DNMT3A: variants seen among roughly 807,000 people sequenced by gnomAD.
DNMT3A encodes DNA (cytosine-5)-methyltransferase 3A.
In DNMT3A, 267 loss-of-function variants were observed where a neutral mutation model predicts 117.6. The ratio of observed to expected loss-of-function variants is 2.27; its 90% CI spans 2.05 to 2.51. DNMT3A has a LOEUF of 2.51. DNMT3A is among the 30% of genes most tolerant of loss of function. The pLI is 0.00. For missense variants in DNMT3A, 1,029 were observed against 1,260.2 expected, an observed-to-expected ratio of 0.82 and a Z score of 2.78; for synonymous variants, 432 against 474.8, an observed-to-expected ratio of 0.91 and a Z score of 1.17.
chr2:25,283,823 A>C (rs1235217333), intron 3 of DNMT3A, among the ~76,000 whole-genome samples: 1 of 152,226 alleles, frequency 6.6e-6, no homozygotes, highest in East Asian at 1.9e-4. Flanking sequence ...GTCACTGCGC[A>C]GTGGACAAAG....
At position 25,330,558 on chromosome 2, in the gene DNMT3A, G is replaced by A. The variant is rs146985119; in HGVS notation, c.-178+11268C>T. On this transcript the variant is annotated intron_variant, in intron 1 of 22. Transcript: ENST00000321117. ...CATGTACGGCCCTCACAGAGGAAGCGGCCCTCTCTGCCATCTCCTGAGGTC... is the reference window on the plus strand; with the variant it reads ...CATGTACGGCCCTCACAGAGGAAGCAGCCCTCTCTGCCATCTCCTGAGGTC... Among the ~76,000 whole-genome samples the A allele has an allele frequency of 5.1e-4, 78 of 152,316 alleles. No individual in the cohort carries two copies. The East Asian group carries it at 0.013, about 26-fold the overall frequency.
At chr2:25,245,122 G>T in intron 13 of DNMT3A, 131 bp downstream of exon 13, 2 of 781,862 alleles carry the variant, frequency 2.6e-6, no homozygotes, top group South Asian at 1.8e-5. Context: ...GCTTCCAGAG[G>T]AAGCTCTGAA....
Position 25,311,400 on chromosome 2 carries a change from C to T in DNMT3A, c.72+2513G>A, listed in dbSNP as rs2034111712. On this transcript the variant is annotated intron_variant, in intron 2 of 22. Transcript: ENST00000321117. The surrounding 1 kb of genome is among the most constrained non-coding windows in gnomAD (Gnocchi z 5.2). Reference sequence around the variant, plus strand: ...GTCTCTCCCCACCCTCCCTGGGCGGCTCCCTGGAGGTGCTGGAGCCAGCCC... The same window carrying T: ...GTCTCTCCCCACCCTCCCTGGGCGGTTCCCTGGAGGTGCTGGAGCCAGCCC... Among the ~76,000 whole-genome samples the T allele has an allele frequency of 6.6e-6, 1 of 152,192 alleles. No individual in the cohort carries two copies. Among genetic ancestry groups the T allele is most frequent in the South Asian group, 2.1e-4 (1 of 4,828 alleles).
At chr2:25,276,756 G>A (rs1489059477) in intron 4 of DNMT3A, among the ~76,000 whole-genome samples, 1 of 152,266 alleles carries the variant, frequency 6.6e-6, no homozygotes, top group African/African-American at 2.4e-5. Context: ...ACAGCGTATC[G>A]GGCCTGGGCC....
chr2:25,283,204 A>G (rs2032022595), intron 3 of DNMT3A, among the ~76,000 whole-genome samples: 1 of 151,982 alleles, frequency 6.6e-6, no homozygotes, highest in Non-Finnish European at 1.5e-5. Context: ...CTCTACTAAA[A>G]ATACAAAGTT....
Position 25,240,337 on chromosome 2 carries a change from C to CA in DNMT3A, c.2286_2287insT (p.Val763CysfsTer2). 1 of 1,614,232 alleles carries CA rather than the reference C, an allele frequency of 6.2e-7. No homozygotes were observed. ...CGCGAGATGTCCCTCTTGTCACTAA[C>CA]GCCCATGGCCACCACATTCTCAAAG... On this transcript the variant is annotated frameshift_variant, in exon 19 of 23. Coordinates refer to ENST00000321117, the MANE Select transcript of DNMT3A (RefSeq NM_022552.5). LOFTEE classifies it high-confidence loss of function.
At position 25,239,136 on chromosome 2, in the gene DNMT3A, A is replaced by T; in HGVS notation, c.2402T>A (p.Met801Lys). ...CCCAGGAGCTTTCACCAACCTGTTCATACCGGGAAGGTTACCCCAGAAGTA... is the reference window on the plus strand; with the variant it reads ...CCCAGGAGCTTTCACCAACCTGTTCTTACCGGGAAGGTTACCCCAGAAGTA... ...ARYFWGNLPG[M>K]NRPLASTVND... is the part of the protein sequence containing the mutation. Residue 801 changes from methionine to lysine, a missense_variant, in exon 20 of 23, where the codon ATG (methionine) becomes AAG (lysine). Transcript: ENST00000321117. 1 of 1,613,970 alleles carries T rather than the reference A, an allele frequency of 6.2e-7. No homozygotes were observed. The highest frequency in any genetic ancestry group is 8.5e-7 in the Non-Finnish European group (1 of 1,179,896).
intron 1 of DNMT3A, among the ~76,000 whole-genome samples, chr2:25,319,408 C>T (rs1202745671): frequency 2.0e-5 from 3 of 152,180 alleles, no homozygotes; most frequent in Non-Finnish European, 4.4e-5. Flanking sequence ...CCTCAGCATC[C>T]CAAAGTGCTG....
In DNMT3A at chr2:25,264,132, G is replaced by GTTTTTTTTTTTTTTTTTTTTTTT. The variant is rs1175186554; in HGVS notation, c.639+10786_639+10808dup. On this transcript the variant is annotated intron_variant, in intron 6 of 22. Transcript: ENST00000321117. The stretch of plus-strand genomic sequence containing the variant: ...TCAGTAAAGGCTGGACAACCCTTTG[G>GTTTTTTTTTTTTTTTTTTTTTTT]TTTTTTTTTTTTTTTTTTTTTTTTT... Among the ~76,000 whole-genome samples, 4 of 73,758 alleles carry GTTTTTTTTTTTTTTTTTTTTTTT rather than the reference G, an allele frequency of 5.4e-5. 1 individual carries two copies. Among genetic ancestry groups the GTTTTTTTTTTTTTTTTTTTTTTT allele is most frequent in the Admixed American group, 2.1e-4 (1 of 4,804 alleles). The allele number at this position is 73,758 out of a possible 152,430, so 48.4% of individuals were successfully genotyped here.
Position 25,247,714 on chromosome 2 carries a change from C to T in DNMT3A, c.891G>A (p.Trp297Ter), listed in dbSNP as rs1442214131. The change falls in exon 8 of 23, where the codon TGG becomes TGA. Residue 297 changes from tryptophan to a stop codon, truncating the protein, a stop_gained. Coordinates refer to ENST00000321117, the MANE Select transcript of DNMT3A (RefSeq NM_022552.5). LOFTEE classifies it high-confidence loss of function. The surrounding 1 kb of genome is among the most constrained non-coding windows in gnomAD (Gnocchi z 5.6). ...ACCAGGAGAAGCCCCGCAGTTTCCC[C>T]CACACCAGCTCCCCAATGCCAAAGC... ...GRGFGIGELV[W>*]GKLRGFSWWP... 1.9e-6 allele frequency: 3 copies of T among 1,613,456 alleles called. No individual in the cohort carries two copies. The highest frequency in any genetic ancestry group is 1.3e-5 in the African/African-American group (1 of 75,008).
At chr2:25,319,453 G>C (rs188778415) in intron 1 of DNMT3A, among the ~76,000 whole-genome samples, 2 of 152,310 alleles carry the variant, frequency 1.3e-5, no homozygotes, top group African/African-American at 4.8e-5. Context: ...CTGGGCCCTA[G>C]TAAAGACATC....
In DNMT3A at chr2:25,285,316, C is replaced by T. The variant is rs193257350; in HGVS notation, c.178-2605G>A. On this transcript the variant is annotated intron_variant, in intron 3 of 22. Transcript: ENST00000321117. ...CAACCCACTGTTATTTGGCAAGGAA[C>T]GCCCAGAGGTGGCAATTAGGGACAA... is the stretch of plus-strand genomic sequence containing the variant. Among the ~76,000 whole-genome samples the T allele has an allele frequency of 1.2e-3, 179 of 152,340 alleles. 1 individual carries two copies. Among genetic ancestry groups the T allele is most frequent in the African/African-American group, 3.9e-3 (162 of 41,560 alleles).
At chr2:25,328,766 G>T (rs769556969) in intron 1 of DNMT3A, 4 of 474,042 alleles carry the variant, frequency 8.4e-6, no homozygotes, top group African/African-American at 7.9e-5. Flanking sequence ...CACTGCGTCA[G>T]TGGAAAGGCT....
intron 20 of DNMT3A, among the ~76,000 whole-genome samples, chr2:25,238,488 C>G (rs1352640937): frequency 6.6e-6 from 1 of 152,208 alleles, no homozygotes; most frequent in Non-Finnish European, 1.5e-5. Flanking sequence ...CTGAGCGGCT[C>G]TCAGCATGCT....
chr2:25,315,205 C>G (rs1228674293), intron 1 of DNMT3A, among the ~76,000 whole-genome samples: 1 of 152,224 alleles, frequency 6.6e-6, no homozygotes, highest in African/African-American at 2.4e-5. Context: ...TCCCATCCCC[C>G]TCCAGTCAGG....
chr2:25,326,127 T>C (rs546090782), intron 1 of DNMT3A, among the ~76,000 whole-genome samples: 6 of 150,564 alleles, frequency 4.0e-5, no homozygotes, highest in Non-Finnish European at 8.8e-5. Flanking sequence ...TGTGTGTGTG[T>C]GTGTGTGTGT....
chr2:25,239,128 A>C lies in DNMT3A; in HGVS notation c.2408+2T>G. 6.2e-7 allele frequency: 1 copy of C among 1,613,604 alleles called. No individual in the cohort carries two copies. The highest frequency in any genetic ancestry group is 8.5e-7 in the Non-Finnish European group (1 of 1,179,744). On this transcript the variant is annotated splice_donor_variant, in intron 20 of 22. Transcript: ENST00000321117. LOFTEE classifies it high-confidence loss of function. Reference sequence around the variant, plus strand: ...CCCCCAGGCCCAGGAGCTTTCACCAACCTGTTCATACCGGGAAGGTTACCC... The same window carrying C: ...CCCCCAGGCCCAGGAGCTTTCACCACCCTGTTCATACCGGGAAGGTTACCC...
chr2:25,310,651 T>C (rs143328895), intron 2 of DNMT3A, among the ~76,000 whole-genome samples: 16 of 152,304 alleles, frequency 1.1e-4, no homozygotes, highest in Admixed American at 4.6e-4. Flanking sequence ...CTTTCCGTTC[T>C]ATCCGTAAAA....
At chr2:25,266,899 C>G (rs1036139664) in intron 6 of DNMT3A, among the ~76,000 whole-genome samples, 9 of 152,162 alleles carry the variant, frequency 5.9e-5, no homozygotes, top group African/African-American at 2.2e-4. Context: ...TTCCCTTCAG[C>G]TAGGCCTTTT....
Sources: allele counts gnomAD v4.1 joint callset (sites outside exome capture counted in the v4.1 genomes callset), GRCh38; gene constraint gnomAD v4.1.1; non-coding constraint Gnocchi (gnomAD v3.1); transcripts MANE v1.5; gene names NCBI Gene and HGNC (gene_info 2026-07-23, HGNC 2026-07-21).